The following FGF12 variants were observed in gnomAD, a reference collection of about 807,000 sequenced individuals.
The protein encoded by FGF12 is fibroblast growth factor 12, also known as fibroblast growth factor 12B.
Under a neutral mutation model 23.6 loss-of-function variants are expected in FGF12, and 14 were observed. The ratio of observed to expected loss-of-function variants is 0.59; its 90% CI spans 0.39 to 0.93. FGF12 has a LOEUF of 0.93. Among genes scored for constraint, FGF12 ranks in the 40% least tolerant of loss-of-function variants. FGF12 has a pLI of 0.00. For missense variants in FGF12, 175 were observed against 217.8 expected (o/e 0.80, Z 1.24); for synonymous variants, 62 against 77.3 (o/e 0.80, Z 1.04).
intron 2 of FGF12, among the ~76,000 whole-genome samples, chr3:192,577,431 A>G (rs548015214): frequency 6.6e-6 from 1 of 152,194 alleles, no homozygotes; most frequent in Non-Finnish European, 1.5e-5. Flanking sequence ...ACTCGGTTCC[A>G]GCAGCAAAAC....
intron 2 of FGF12, among the ~76,000 whole-genome samples, chr3:192,722,631 A>C (rs1719074881): frequency 6.6e-6 from 1 of 152,164 alleles, no homozygotes; most frequent in African/African-American, 2.4e-5. Context: ...AGTTTCCCAC[A>C]CTTCTCCCAA....
At chr3:192,615,864 A>G (rs1484492973) in intron 2 of FGF12, among the ~76,000 whole-genome samples, 1 of 152,056 alleles carries the variant, frequency 6.6e-6, no homozygotes, top group Non-Finnish European at 1.5e-5. Context: ...CATAGAGTCA[A>G]TAACCATACT....
chr3:192,178,183 C>A (rs1009904481), intron 4 of FGF12, among the ~76,000 whole-genome samples: 15 of 152,098 alleles, frequency 9.9e-5, no homozygotes, highest in Non-Finnish European at 2.2e-4. Context: ...TACACAATCT[C>A]AAATGTCACT....
chr3:192,169,769 T>C (rs1182015080), intron 5 of FGF12, among the ~76,000 whole-genome samples: 1 of 150,882 alleles, frequency 6.6e-6, no homozygotes. Flanking sequence ...CCAAATGATA[T>C]GCTCTCATCC....
chr3:192,385,151 T>C (rs1336755294), intron 2 of FGF12, among the ~76,000 whole-genome samples: 1 of 152,188 alleles, frequency 6.6e-6, no homozygotes, highest in Non-Finnish European at 1.5e-5. Flanking sequence ...TCCTGAGCAC[T>C]TTGTGCTGAG....
intron 2 of FGF12, among the ~76,000 whole-genome samples, chr3:192,425,154 C>T (rs1721654636): frequency 6.6e-6 from 1 of 152,142 alleles, no homozygotes; most frequent in African/African-American, 2.4e-5. Flanking sequence ...TTACCACATG[C>T]CAAACTGCTT....
At chr3:192,147,919 A>G (rs1713814039) in intron 5 of FGF12, among the ~76,000 whole-genome samples, 1 of 152,230 alleles carries the variant, frequency 6.6e-6, no homozygotes, top group African/African-American at 2.4e-5. Context: ...TGGTAATAAA[A>G]GAAAACATAT....
At chr3:192,679,239 A>C (rs1233064543) in intron 2 of FGF12, among the ~76,000 whole-genome samples, 1 of 152,214 alleles carries the variant, frequency 6.6e-6, no homozygotes, top group Non-Finnish European at 1.5e-5. Flanking sequence ...AGTGAGGCAC[A>C]GGAAGATAGG....
At chr3:192,677,895 C>A (rs557946605) in intron 2 of FGF12, among the ~76,000 whole-genome samples, 2 of 152,320 alleles carry the variant, frequency 1.3e-5, no homozygotes, top group African/African-American at 4.8e-5. Context: ...ACACTGGAGT[C>A]ATTTCCAGAT....
At chr3:192,592,102 C>A (rs574498828) in intron 2 of FGF12, among the ~76,000 whole-genome samples, 23 of 151,910 alleles carry the variant, frequency 1.5e-4, no homozygotes, top group Non-Finnish European at 2.9e-4. Flanking sequence ...TACCTGGATA[C>A]TTTTACCTAG....
rs147416674 is a variant in FGF12, at chr3:192,552,514, A to G, written c.13+174667T>C. Among the ~76,000 whole-genome samples the G allele has an allele frequency of 4.4e-3, 634 of 144,858 alleles. 2 individuals carry two copies. The highest frequency in any genetic ancestry group is 6.3e-3 in the Non-Finnish European group (417 of 66,112). ...TCAAAGTGCTGAAAGATAATGGTAAAAAGAAAATCTTAAAATGTATCAAAA... is the reference window on the plus strand; with the variant it reads ...TCAAAGTGCTGAAAGATAATGGTAAGAAGAAAATCTTAAAATGTATCAAAA... On this transcript the variant is annotated intron_variant, in intron 2 of 5. Transcript: ENST00000445105.
chr3:192,299,953 A>G lies in FGF12; in HGVS notation c.228+35408T>C, dbSNP rs140427878. 4.5e-3 allele frequency among the ~76,000 whole-genome samples: 680 copies of G among 152,302 alleles called. 3 individuals are homozygous for G. Among genetic ancestry groups the G allele is most frequent in the Non-Finnish European group, 7.6e-3 (517 of 68,018 alleles). On this transcript the variant is annotated intron_variant, in intron 4 of 5. Coordinates refer to ENST00000445105, the MANE Select transcript of FGF12 (RefSeq NM_004113.6). ...ACTTCATTTCAGTACTGAAATTACA[A>G]AGCTGCCTCAGGTATTTATGCATTT...
chr3:192,615,065 G>A (rs893692174), intron 2 of FGF12, among the ~76,000 whole-genome samples: 2 of 151,962 alleles, frequency 1.3e-5, no homozygotes, highest in African/African-American at 4.8e-5. Flanking sequence ...TACTCTTCAT[G>A]TGTCAAGAGA....
At chr3:192,631,878 G>A (rs1715402929) in intron 2 of FGF12, among the ~76,000 whole-genome samples, 1 of 152,206 alleles carries the variant, frequency 6.6e-6, no homozygotes, top group Non-Finnish European at 1.5e-5. Flanking sequence ...TCACATGCTA[G>A]TGGGGGAAGC....
chr3:192,479,072 T>C (rs1324490909), intron 2 of FGF12, among the ~76,000 whole-genome samples: 1 of 152,208 alleles, frequency 6.6e-6, no homozygotes, highest in African/African-American at 2.4e-5. Context: ...AGATGAGTGT[T>C]CTTATCCAAA....
intron 2 of FGF12, among the ~76,000 whole-genome samples, chr3:192,521,032 G>A (rs927382446): frequency 6.6e-6 from 1 of 152,146 alleles, no homozygotes; most frequent in African/African-American, 2.4e-5. Context: ...AAAAAGAAAT[G>A]CTGGGTCGAA....
intron 2 of FGF12, among the ~76,000 whole-genome samples, chr3:192,648,717 A>C (rs923467210): frequency 6.6e-6 from 1 of 152,194 alleles, no homozygotes; most frequent in Non-Finnish European, 1.5e-5. Flanking sequence ...AAGGATGAGA[A>C]ATGGCATTAG....
chr3:192,632,404 A>G (rs148963408), intron 2 of FGF12, among the ~76,000 whole-genome samples: 311 of 152,328 alleles, frequency 2.0e-3, no homozygotes, highest in African/African-American at 6.8e-3. Context: ...TAACCACTGC[A>G]CTCACTTTTT....
chr3:192,574,162 C>T (rs1235501829), intron 2 of FGF12, among the ~76,000 whole-genome samples: 2 of 152,232 alleles, frequency 1.3e-5, no homozygotes, highest in Non-Finnish European at 2.9e-5. Context: ...ATCTACTTCT[C>T]ATAGTACATA....
Sources: allele counts gnomAD v4.1 joint callset (sites outside exome capture counted in the v4.1 genomes callset), GRCh38; gene constraint gnomAD v4.1.1; transcripts MANE v1.5; gene names NCBI Gene and HGNC (gene_info 2026-07-23, HGNC 2026-07-21).